Variants in ELMO1 observed in about 807,000 individuals in gnomAD.
ELMO1 encodes the protein engulfment and cell motility protein 1.
Under a neutral mutation model 98.9 loss-of-function variants are expected in ELMO1, and 26 were observed. That is an observed-to-expected ratio of 0.26 (90% confidence interval 0.19 to 0.36). The LOEUF (loss-of-function observed/expected upper bound fraction) is 0.36, where lower values mean the gene tolerates loss of function less well. Ranked by LOEUF, ELMO1 falls within the 10% of genes least tolerant of loss-of-function variation. The pLI is 1.00. For synonymous variants in ELMO1, 346 were observed against 346.0 expected, an observed-to-expected ratio of 1.00 and a Z score of 0.00; for missense variants, 627 against 935.2, an observed-to-expected ratio of 0.67 and a Z score of 4.30.
intron 20 of ELMO1, among the ~76,000 whole-genome samples, chr7:36,862,935 G>T (rs1802746151): frequency 6.6e-6 from 1 of 152,224 alleles, no homozygotes; most frequent in South Asian, 2.1e-4. Flanking sequence ...AAGGCAAAAA[G>T]ATGAGGTCAG....
At chr7:37,246,322 T>C (rs1795002602) in intron 6 of ELMO1, among the ~76,000 whole-genome samples, 1 of 152,180 alleles carries the variant, frequency 6.6e-6, no homozygotes, top group South Asian at 2.1e-4. Context: ...CCAAAACTGA[T>C]GGGTGAAATT....
chr7:37,440,519 C>A (rs1422101553), intron 1 of ELMO1, among the ~76,000 whole-genome samples: 1 of 151,238 alleles, frequency 6.6e-6, no homozygotes, highest in Admixed American at 6.6e-5. Flanking sequence ...ACCTGTAATC[C>A]CAGCATTTTG....
chr7:36,975,177 A>C (rs1790415543), intron 16 of ELMO1, among the ~76,000 whole-genome samples: 1 of 152,162 alleles, frequency 6.6e-6, no homozygotes, highest in Non-Finnish European at 1.5e-5. Context: ...AACAGATGAA[A>C]TTTTTCATCA....
intron 15 of ELMO1, among the ~76,000 whole-genome samples, chr7:37,028,773 G>T (rs1441081819): frequency 6.6e-6 from 1 of 152,096 alleles, no homozygotes; most frequent in Admixed American, 6.6e-5. Context: ...GTACAGAAAA[G>T]GTCTTGCTGT....
chr7:37,197,356 T>C (rs545554209), intron 13 of ELMO1: 1 of 152,276 alleles, frequency 6.6e-6, no homozygotes, highest in East Asian at 1.9e-4. Flanking sequence ...CAAAATGCCA[T>C]CCCCAGAATT....
chr7:37,437,138 G>A (rs1805184921), intron 1 of ELMO1, among the ~76,000 whole-genome samples: 1 of 152,240 alleles, frequency 6.6e-6, no homozygotes, highest in Admixed American at 6.5e-5. Flanking sequence ...TCAACTGAAT[G>A]AAATTCCTGA....
chr7:37,314,333 T>G (rs1186328364), intron 4 of ELMO1, among the ~76,000 whole-genome samples: 2 of 152,168 alleles, frequency 1.3e-5, no homozygotes, highest in African/African-American at 4.8e-5. Flanking sequence ...CCCAGGGCCA[T>G]TGCTGTCTTC....
At chr7:37,178,716 T>A (rs1201577591) in intron 13 of ELMO1, among the ~76,000 whole-genome samples, 1 of 152,194 alleles carries the variant, frequency 6.6e-6, no homozygotes, top group Non-Finnish European at 1.5e-5. Context: ...TACCTCCTCA[T>A]ACGAGGTGGC....
chr7:37,105,930 T>C (rs138994113), intron 14 of ELMO1, among the ~76,000 whole-genome samples: 1 of 152,304 alleles, frequency 6.6e-6, no homozygotes, highest in African/African-American at 2.4e-5. Flanking sequence ...ATGATGATCA[T>C]GTCTTTGGAT....
chr7:36,903,422 C>A (rs1783728773), intron 16 of ELMO1, among the ~76,000 whole-genome samples: 2 of 152,154 alleles, frequency 1.3e-5, no homozygotes, highest in South Asian at 4.1e-4. Context: ...TCTCCAGAGC[C>A]TGCACAGTCC....
rs76703155 is a variant in ELMO1, at chr7:37,443,892, A to C, written c.-74+4783T>G. 7.5e-3 allele frequency among the ~76,000 whole-genome samples: 1,140 copies of C among 152,278 alleles called. 10 individuals are homozygous for C. The highest frequency in any genetic ancestry group is 0.026 in the African/African-American group (1,075 of 41,550). On this transcript the variant is annotated intron_variant, in intron 1 of 21. Coordinates refer to ENST00000310758, the MANE Select transcript of ELMO1 (RefSeq NM_014800.11). ...CCTTCATGATCCTTTTATTATGGAC[A>C]GTGCAGAAGTTCTCAGACTCTTTTT... is the stretch of plus-strand genomic sequence containing the variant.
Position 36,870,445 on chromosome 7 carries a change from G to A in ELMO1, c.1853C>T (p.Thr618Met), listed in dbSNP as rs775714420. 2.6e-5 allele frequency: 42 copies of A among 1,613,844 alleles called. No individual in the cohort carries two copies. Among genetic ancestry groups the A allele is most frequent in the Admixed American group, 3.3e-5 (2 of 59,984 alleles). Residue 618 changes from threonine to methionine, a missense_variant, in exon 20 of 22, where the codon ACG becomes ATG. Thr to Met is a moderately conservative substitution (Grantham distance 81). This residue lies in a region of ELMO1 where 492 missense variants were observed against 715.6 expected (regional missense o/e 0.69). Transcript: ENST00000310758. This position sits in a 1 kb window ranked among gnomAD's most constrained non-coding sequence, Gnocchi z 4.4. ...TTTCATATGAGGGCAGTCCTTTCCC[G>A]TCACCACGGCTTTGATATCTGCCAC... The part of the protein sequence containing the change: ...LPVADIKAVV[T>M]GKDCPHMKEK...
chr7:36,981,414 G>A (rs553763211), intron 16 of ELMO1, among the ~76,000 whole-genome samples: 1 of 151,988 alleles, frequency 6.6e-6, no homozygotes, highest in African/African-American at 2.4e-5. Context: ...TGGTATTGAA[G>A]GCACGGATTT....
At chr7:37,123,622 C>A (rs926137968) in intron 14 of ELMO1, among the ~76,000 whole-genome samples, 20 of 152,138 alleles carry the variant, frequency 1.3e-4, no homozygotes, top group Admixed American at 3.9e-4. Flanking sequence ...CAATAACAGG[C>A]TCTGAAATTG....
intron 15 of ELMO1, among the ~76,000 whole-genome samples, chr7:37,032,130 C>T (rs567069596): frequency 6.6e-6 from 1 of 152,280 alleles, no homozygotes; most frequent in Admixed American, 6.5e-5. Context: ...TACTGATTGG[C>T]TTCCTTTGTA....
At chr7:37,420,621 T>C (rs1396739628) in intron 1 of ELMO1, among the ~76,000 whole-genome samples, 1 of 152,224 alleles carries the variant, frequency 6.6e-6, no homozygotes, top group Non-Finnish European at 1.5e-5. Context: ...GAAGGTGGCA[T>C]GCTGGCTAGA....
intron 16 of ELMO1, among the ~76,000 whole-genome samples, chr7:36,926,437 G>A (rs778378206): frequency 2.6e-5 from 4 of 152,116 alleles, no homozygotes; most frequent in Non-Finnish European, 5.9e-5. Context: ...CTTCAGTATT[G>A]CAGCGTTAGG....
chr7:37,156,244 G>A (rs565426109), intron 13 of ELMO1, among the ~76,000 whole-genome samples: 38 of 152,056 alleles, frequency 2.5e-4, no homozygotes, highest in African/African-American at 7.2e-4. Context: ...AATTGACACC[G>A]TAACAACACA....
chr7:36,977,561 T>C (rs1790663006), intron 16 of ELMO1, among the ~76,000 whole-genome samples: 1 of 152,270 alleles, frequency 6.6e-6, no homozygotes, highest in Non-Finnish European at 1.5e-5. Context: ...TTGCAAATTC[T>C]TTCTCCTTAA....
Sources: allele counts gnomAD v4.1 joint callset (sites outside exome capture counted in the v4.1 genomes callset), GRCh38; gene constraint gnomAD v4.1.1; regional missense constraint gnomAD v4.1.1; non-coding constraint Gnocchi (gnomAD v3.1); transcripts MANE v1.5; gene names NCBI Gene and HGNC (gene_info 2026-07-23, HGNC 2026-07-21).